The following CRB1 variants were observed in gnomAD, a reference collection of about 807,000 sequenced individuals.
The protein encoded by CRB1 is crumbs cell polarity complex component 1.
CRB1 carries 83 observed loss-of-function variants against 120.0 expected under a neutral mutation model. That is an observed-to-expected ratio of 0.69 (90% confidence interval 0.58 to 0.83). The LOEUF is 0.83. Among genes scored for constraint, CRB1 ranks in the 40% least tolerant of loss-of-function variants. CRB1 has a pLI of 0.00. For missense variants in CRB1, 1,699 were observed against 1,687.6 expected (o/e 1.01, Z -0.12); for synonymous variants, 625 against 612.5 (o/e 1.02, Z -0.30).
chr1:197,389,488 T>G (rs900581602), intron 5 of CRB1, among the ~76,000 whole-genome samples: 20 of 152,128 alleles, frequency 1.3e-4, no homozygotes, highest in Non-Finnish European at 2.2e-4. Flanking sequence ...CTGGAGTAGT[T>G]AATTTCATAG....
the CRB1 span, among the ~76,000 whole-genome samples, chr1:197,208,651 G>T: frequency 4.6e-5 from 7 of 152,174 alleles, no homozygotes; most frequent in Non-Finnish European, 1.0e-4. Flanking sequence ...GTACTTGGTT[G>T]TATTTTTATT....
chr1:197,351,977 G>C (rs778713346), intron 4 of CRB1, among the ~76,000 whole-genome samples: 11 of 152,164 alleles, frequency 7.2e-5, no homozygotes. Flanking sequence ...TGACTTCACT[G>C]CCACAGAACA....
intron 1 of CRB1, among the ~76,000 whole-genome samples, chr1:197,286,995 CAAAGT>C (rs1655867790): frequency 2.0e-5 from 3 of 151,772 alleles, no homozygotes; most frequent in South Asian, 2.1e-4. Flanking sequence ...CAGAAGTTCT[CAAAGT>C]AAAGTTAGGT....
intron 5 of CRB1, among the ~76,000 whole-genome samples, chr1:197,381,961 T>A (rs1157408533): frequency 1.3e-5 from 2 of 152,150 alleles, no homozygotes; most frequent in Admixed American, 6.6e-5. Context: ...GGGTCTCTCC[T>A]CCTTTAGACT....
chr1:197,322,095 T>C (rs373515610), intron 1 of CRB1, among the ~76,000 whole-genome samples: 6 of 152,160 alleles, frequency 3.9e-5, no homozygotes, highest in African/African-American at 1.4e-4. Context: ...TTTGAGCACT[T>C]GAAATGTGAC....
chr1:197,396,909 TA>T (rs1382785656), intron 5 of CRB1, among the ~76,000 whole-genome samples: 1 of 152,030 alleles, frequency 6.6e-6, no homozygotes, highest in Non-Finnish European at 1.5e-5. Context: ...AAATTATACC[TA>T]AAAAAGTACA....
the CRB1 span, among the ~76,000 whole-genome samples, chr1:197,261,804 A>G: frequency 6.6e-6 from 1 of 152,190 alleles, no homozygotes; most frequent in African/African-American, 2.4e-5. Flanking sequence ...GTTGGGTGTG[A>G]ATCTGAACAG....
chr1:197,401,949 G>A (rs1467321272), intron 5 of CRB1, among the ~76,000 whole-genome samples: 1 of 151,428 alleles, frequency 6.6e-6, no homozygotes, highest in Admixed American at 6.6e-5. Context: ...TTATTTTTAT[G>A]TCTTTTAAAA....
chr1:197,210,529 C>T, the CRB1 span, among the ~76,000 whole-genome samples: 2 of 152,020 alleles, frequency 1.3e-5, no homozygotes, highest in African/African-American at 4.8e-5. Flanking sequence ...GTGGACCTGT[C>T]CCACAGATTT....
At chr1:197,463,884 G>T (rs1666638304) in intron 11 of CRB1, among the ~76,000 whole-genome samples, 1 of 152,126 alleles carries the variant, frequency 6.6e-6, no homozygotes, top group Non-Finnish European at 1.5e-5. Context: ...AAGAATCAAA[G>T]ACCTAGTTGT....
At chr1:197,400,891 T>G (rs945684457) in intron 5 of CRB1, among the ~76,000 whole-genome samples, 60 of 152,284 alleles carry the variant, frequency 3.9e-4, no homozygotes, top group African/African-American at 1.2e-3. Context: ...AAAATTCTAA[T>G]CGCACACCTA....
intron 11 of CRB1, among the ~76,000 whole-genome samples, chr1:197,455,428 G>T (rs1407348374): frequency 6.6e-6 from 1 of 152,074 alleles, no homozygotes; most frequent in Non-Finnish European, 1.5e-5. Context: ...ACCGAAAACT[G>T]CCAGTATGCA....
intron 9 of CRB1, among the ~76,000 whole-genome samples, chr1:197,437,700 C>T (rs2125504647): frequency 1.3e-5 from 2 of 152,168 alleles, no homozygotes; most frequent in Admixed American, 1.3e-4. Context: ...ACACACTTAG[C>T]ATCATATAAG....
chr1:197,359,685 G>A (rs995778732), intron 5 of CRB1, among the ~76,000 whole-genome samples: 4 of 152,130 alleles, frequency 2.6e-5, no homozygotes, highest in African/African-American at 9.7e-5. Flanking sequence ...CTGTTTTCCA[G>A]TGTGTCTGTA....
At chr1:197,202,589 T>C in the CRB1 span, among the ~76,000 whole-genome samples, 4 of 152,056 alleles carry the variant, frequency 2.6e-5, no homozygotes, top group African/African-American at 9.7e-5. Context: ...ACTTAGAACG[T>C]TGATGGAAAT....
chr1:197,327,035 A>AACACTTACG lies in CRB1; in HGVS notation c.71-1385_71-1377dup, dbSNP rs1348194330. On this transcript the variant is annotated intron_variant, in intron 1 of 11. Coordinates refer to ENST00000367400, the MANE Select transcript of CRB1 (RefSeq NM_201253.3). ...TAAAGGTAAGAGCTAGCATTTACCAAACACTTACGATGTGTCTGCAAAGCA... is the reference window on the plus strand; with the variant it reads ...TAAAGGTAAGAGCTAGCATTTACCAAACACTTACGACACTTACGATGTGTCTGCAAAGCA... 2.7e-5 allele frequency among the ~76,000 whole-genome samples: 4 copies of AACACTTACG among 150,858 alleles called. No individual in the cohort carries two copies. In the East Asian group the frequency reaches 7.8e-4, roughly 29 times the overall value.
the CRB1 span, among the ~76,000 whole-genome samples, chr1:197,261,842 T>C: frequency 6.6e-6 from 1 of 152,184 alleles, no homozygotes; most frequent in South Asian, 2.1e-4. Context: ...GTAACTTGGG[T>C]CTCTCAATCT....
chr1:197,420,841 G>T (rs948308137), intron 5 of CRB1, among the ~76,000 whole-genome samples, 159 bp from the exon 6 acceptor site: 1 of 152,150 alleles, frequency 6.6e-6, no homozygotes, highest in African/African-American at 2.4e-5. Flanking sequence ...ATATAGAATT[G>T]ATTTTACTTT....
chr1:197,328,759 C>A lies in CRB1; in HGVS notation c.408C>A (p.Cys136Ter). ...ACCCTATTTATCCTGTCTGCATCTG[C>A]CCTGCTGGATATGCTGGAAGATTCT... ...HQDPIYPVCI[C>*]PAGYAGRFCE... The change falls in exon 2 of 12, where the codon TGC becomes TGA. Residue 136 changes from cysteine (C) to a stop codon, truncating the protein, a stop_gained. Transcript: ENST00000367400. LOFTEE classifies it high-confidence loss of function. 1.9e-6 allele frequency: 3 copies of A among 1,611,836 alleles called. No individual in the cohort carries two copies. The highest frequency in any genetic ancestry group is 2.2e-5 in the South Asian group (2 of 90,878).
Sources: gnomAD v4.1 joint callset for allele counts (sites outside exome capture counted in the v4.1 genomes callset) on GRCh38, gnomAD v4.1.1 for gene constraint, MANE v1.5 for transcripts, NCBI Gene and HGNC (gene_info 2026-07-23, HGNC 2026-07-21) for gene names.